The following NRXN1 variants were observed in gnomAD, a reference collection of about 807,000 sequenced individuals.
The protein encoded by NRXN1 is neurexin-1.
In NRXN1, 39 loss-of-function variants were observed where a neutral mutation model predicts 150.9. The ratio of observed to expected loss-of-function variants is 0.26; its 90% confidence interval spans 0.20 to 0.34. The LOEUF is 0.34. NRXN1 is among the 10% of genes least tolerant of loss of function. NRXN1 has a pLI of 1.00. For synonymous variants in NRXN1, 924 were observed against 757.0 expected, an observed-to-expected ratio of 1.22 and a Z score of -3.62; for missense variants, 1,815 against 1,949.9, an observed-to-expected ratio of 0.93 and a Z score of 1.30.
chr2:50,742,027 C>CA (rs1486565276), intron 5 of NRXN1, among the ~76,000 whole-genome samples: 1 of 151,648 alleles, frequency 6.6e-6, no homozygotes, highest in African/African-American at 2.4e-5. Context: ...CTCACAACCA[C>CA]AAAAAATAAT....
rs2078027214 is a variant in NRXN1, at chr2:50,346,871, C to A, written c.3365-109901G>T. ...CAAAGCAGGGCCAGGCGCCCCCCTG[C>A]GCCGCCGCCGCCGCCGCCGCCGCCG... On this transcript the variant is annotated intron_variant, in intron 17 of 22. Transcript: ENST00000401669. This position sits in a 1 kb window ranked among gnomAD's most constrained non-coding sequence, Gnocchi z 5.0. 8.0e-7 allele frequency: 1 copy of A among 1,242,590 alleles called. No individual in the cohort carries two copies. Among genetic ancestry groups the A allele is most frequent in the Non-Finnish European group, 1.0e-6 (1 of 991,286 alleles). 77.0% of individuals were successfully genotyped at this position (1,242,590 alleles called of 1,614,324 possible). A position where few individuals can be genotyped will look rare whatever the true frequency, so the allele number is the denominator to read the frequency against.
intron 17 of NRXN1, among the ~76,000 whole-genome samples, chr2:50,291,085 G>A (rs1029714188): frequency 7.3e-5 from 11 of 151,364 alleles, no homozygotes; most frequent in Admixed American, 2.6e-4. Flanking sequence ...GCTTACTGTC[G>A]GAAGGAAAGG....
intron 2 of NRXN1, among the ~76,000 whole-genome samples, chr2:50,952,970 T>C (rs918409970): frequency 6.6e-6 from 1 of 152,098 alleles, no homozygotes; most frequent in Non-Finnish European, 1.5e-5. Context: ...AGTAAAGTGG[T>C]GTACACAGGA....
chr2:50,906,349 G>A (rs999270689), intron 5 of NRXN1, among the ~76,000 whole-genome samples: 1 of 152,014 alleles, frequency 6.6e-6, no homozygotes, highest in Non-Finnish European at 1.5e-5. Context: ...TTCACCTAGA[G>A]TCTTCTCATG....
intron 5 of NRXN1, among the ~76,000 whole-genome samples, chr2:50,795,492 T>C (rs1028592594): frequency 2.0e-5 from 3 of 152,054 alleles, no homozygotes; most frequent in African/African-American, 7.2e-5. Flanking sequence ...CTTCTTTTCT[T>C]GCCTCTTCCT....
intron 19 of NRXN1, among the ~76,000 whole-genome samples, chr2:50,072,759 T>C (rs1239562278): frequency 6.6e-6 from 1 of 152,232 alleles, no homozygotes; most frequent in Middle Eastern, 3.4e-3. Context: ...TATACCTCAG[T>C]AAAGCTGCCC....
At chr2:50,430,822 C>A (rs1333959091) in intron 17 of NRXN1, among the ~76,000 whole-genome samples, 5 of 152,120 alleles carry the variant, frequency 3.3e-5, no homozygotes, top group Admixed American at 1.3e-4. Context: ...ATTTGGACAC[C>A]TTTTGATTCT....
At chr2:49,968,030 T>C (rs891734730) in intron 21 of NRXN1, among the ~76,000 whole-genome samples, 1 of 151,586 alleles carries the variant, frequency 6.6e-6, no homozygotes, top group Non-Finnish European at 1.5e-5. Context: ...GTATCAAGAG[T>C]AAATGGTTTA....
At chr2:49,932,546 C>G (rs1177050154) in intron 22 of NRXN1, among the ~76,000 whole-genome samples, 1 of 151,876 alleles carries the variant, frequency 6.6e-6, no homozygotes, top group African/African-American at 2.4e-5. Flanking sequence ...TAGGTAAAGC[C>G]AAGCTATTAA....
chr2:50,533,769 GAA>G (rs2093179950), intron 10 of NRXN1, among the ~76,000 whole-genome samples: 1 of 152,112 alleles, frequency 6.6e-6, no homozygotes, highest in African/African-American at 2.4e-5. Flanking sequence ...TGATCTCACT[GAA>G]GTGTTTGCAC....
At chr2:50,328,530 T>A (rs185962497) in intron 17 of NRXN1, among the ~76,000 whole-genome samples, 91 of 151,868 alleles carry the variant, frequency 6.0e-4, no homozygotes, top group Admixed American at 4.7e-3. Flanking sequence ...AGGTCAGGAG[T>A]TCGAGACCAG....
At chr2:50,802,737 T>G (rs570492354) in intron 5 of NRXN1, among the ~76,000 whole-genome samples, 1 of 152,158 alleles carries the variant, frequency 6.6e-6, no homozygotes, top group Non-Finnish European at 1.5e-5. Context: ...TAATCCAATA[T>G]GATTTTTTGC....
intron 2 of NRXN1, among the ~76,000 whole-genome samples, chr2:50,957,870 G>A (rs1311185962): frequency 6.6e-6 from 1 of 151,922 alleles, no homozygotes; most frequent in Non-Finnish European, 1.5e-5. Flanking sequence ...AGTCTTGGTG[G>A]CTTATAAATG....
At chr2:50,865,001 G>A (rs1197564203) in intron 5 of NRXN1, among the ~76,000 whole-genome samples, 1 of 151,846 alleles carries the variant, frequency 6.6e-6, no homozygotes, top group Non-Finnish European at 1.5e-5. Context: ...TTCAAAGTCT[G>A]AGTCCTACTA....
intron 18 of NRXN1, among the ~76,000 whole-genome samples, chr2:50,179,100 T>C (rs1247390631): frequency 1.3e-5 from 2 of 152,112 alleles, no homozygotes; most frequent in East Asian, 1.9e-4. Context: ...ACATTTAAGA[T>C]AACAACTGGA....
At chr2:50,285,854 GT>G (rs1241967232) in intron 17 of NRXN1, among the ~76,000 whole-genome samples, 2 of 140,838 alleles carry the variant, frequency 1.4e-5, no homozygotes, top group East Asian at 4.3e-4. Context: ...GTATAAAAGA[GT>G]TTTTTTGAAA....
chr2:50,907,261 T>C (rs1398456639), intron 5 of NRXN1, among the ~76,000 whole-genome samples: 1 of 152,020 alleles, frequency 6.6e-6, no homozygotes, highest in Non-Finnish European at 1.5e-5. Context: ...ATTATACTCT[T>C]TTGTCCAATC....
At chr2:50,999,840 C>A (rs1281736791) in intron 2 of NRXN1, among the ~76,000 whole-genome samples, 2 of 152,052 alleles carry the variant, frequency 1.3e-5, no homozygotes, top group African/African-American at 4.8e-5. Flanking sequence ...CACTACCACC[C>A]TAGTCCATCA....
chr2:50,591,259 C>T (rs893019567), intron 8 of NRXN1, among the ~76,000 whole-genome samples: 3 of 128,740 alleles, frequency 2.3e-5, no homozygotes, highest in African/African-American at 4.1e-5. Context: ...TCTGATGACT[C>T]GACAAAGGAA....
Sources: allele counts gnomAD v4.1 joint callset (sites outside exome capture counted in the v4.1 genomes callset), GRCh38; gene constraint gnomAD v4.1.1; non-coding constraint Gnocchi (gnomAD v3.1); transcripts MANE v1.5; gene names NCBI Gene and HGNC (gene_info 2026-07-23, HGNC 2026-07-21).